The following LRRC4C variants were observed in gnomAD, a reference collection of about 807,000 sequenced individuals.
LRRC4C encodes leucine-rich repeat-containing protein 4C.
LRRC4C carries 5 observed loss-of-function variants against 33.6 expected under a neutral mutation model. That is an observed-to-expected ratio of 0.15 (90% CI 0.08 to 0.31). LRRC4C has a LOEUF of 0.31. LRRC4C is among the 10% of genes least tolerant of loss of function. The probability of loss-of-function intolerance (pLI) is 1.00; values close to 1 mark genes in which losing one functional copy is unlikely to be tolerated. For missense variants in LRRC4C, 560 were observed against 796.7 expected (o/e 0.70, Z 3.58); for synonymous variants, 329 against 302.0 (o/e 1.09, Z -0.93).
At chr11:40,992,432 T>TG (rs1853647997) in intron 1 of LRRC4C, among the ~76,000 whole-genome samples, 2 of 126,222 alleles carry the variant, frequency 1.6e-5, no homozygotes, top group East Asian at 2.6e-4. Flanking sequence ...TAAACAAAAG[T>TG]GGTTTTTTTT....
chr11:41,437,425 G>GCGCACACA (rs370615249), intron 1 of LRRC4C, among the ~76,000 whole-genome samples: 1 of 149,160 alleles, frequency 6.7e-6, no homozygotes, highest in African/African-American at 2.5e-5. Context: ...GCGCGCGCGC[G>GCGCACACA]CACACACACA....
chr11:40,489,430 ACTCT>A (rs1954034889), intron 3 of LRRC4C, among the ~76,000 whole-genome samples: 1 of 151,288 alleles, frequency 6.6e-6, no homozygotes, highest in African/African-American at 2.4e-5. Context: ...CATACTCACA[ACTCT>A]CTGGGTCAGG....
chr11:41,008,985 G>A (rs1854966731), intron 1 of LRRC4C, among the ~76,000 whole-genome samples: 3 of 151,350 alleles, frequency 2.0e-5, no homozygotes, highest in African/African-American at 2.4e-5. Flanking sequence ...TTTAAAAAGG[G>A]GAAAATCTCA....
intron 5 of LRRC4C, among the ~76,000 whole-genome samples, chr11:40,143,157 G>GT (rs924340516): frequency 1.1e-4 from 16 of 151,966 alleles, no homozygotes; most frequent in African/African-American, 3.4e-4. Flanking sequence ...TCAGTATTCT[G>GT]TTTTTTTCTC....
intron 3 of LRRC4C, among the ~76,000 whole-genome samples, chr11:40,623,358 A>G (rs1477282698): frequency 6.6e-6 from 1 of 152,018 alleles, no homozygotes; most frequent in Non-Finnish European, 1.5e-5. Flanking sequence ...ATCTCATGCT[A>G]TTTTAAGTTC....
At chr11:41,316,204 C>T (rs1256111047) in intron 1 of LRRC4C, among the ~76,000 whole-genome samples, 1 of 128,362 alleles carries the variant, frequency 7.8e-6, no homozygotes, top group Admixed American at 9.9e-5. Context: ...CTGGGGGTGA[C>T]TATGGGTAAC....
chr11:40,343,481 T>C (rs1325584246), intron 3 of LRRC4C, among the ~76,000 whole-genome samples: 18 of 151,994 alleles, frequency 1.2e-4, no homozygotes, highest in African/African-American at 4.3e-4. Flanking sequence ...TAGTACCTGA[T>C]GGGTATTTTA....
chr11:40,922,749 T>C (rs558810830), intron 2 of LRRC4C, among the ~76,000 whole-genome samples: 5 of 152,328 alleles, frequency 3.3e-5, no homozygotes, highest in African/African-American at 1.2e-4. Flanking sequence ...TGCAAACAAA[T>C]GCAAGGGCAG....
chr11:40,818,658 C>T (rs1406295908), intron 2 of LRRC4C, among the ~76,000 whole-genome samples: 2 of 151,906 alleles, frequency 1.3e-5, no homozygotes, highest in Non-Finnish European at 2.9e-5. Context: ...ATATTCTATG[C>T]CTTCTCTTTT....
chr11:40,429,387 A>C (rs1950831132), intron 3 of LRRC4C, among the ~76,000 whole-genome samples: 1 of 152,138 alleles, frequency 6.6e-6, no homozygotes, highest in African/African-American at 2.4e-5. Context: ...ATGAACTGTT[A>C]AACTCCTTTC....
intron 1 of LRRC4C, among the ~76,000 whole-genome samples, chr11:41,282,135 G>C (rs1345982639): frequency 1.3e-5 from 2 of 152,206 alleles, no homozygotes; most frequent in Admixed American, 6.5e-5. Context: ...TGAAATGTAA[G>C]GGGATTGACA....
intron 3 of LRRC4C, among the ~76,000 whole-genome samples, chr11:40,480,526 G>A (rs897744440): frequency 6.6e-6 from 1 of 151,906 alleles, no homozygotes; most frequent in Admixed American, 6.6e-5. Flanking sequence ...CAGGTACTAT[G>A]CTTATTACCT....
rs1321652619 is a variant in LRRC4C at position 40,306,226 on chromosome 11, A to G, written c.-176+13402T>C. Among the ~76,000 whole-genome samples the G allele has an allele frequency of 2.0e-5, 3 of 152,216 alleles. No homozygotes were observed. The East Asian group carries it at 5.8e-4, about 29-fold the overall frequency. ...TTATCTTTCCTATAAAGATTTAGTT[A>G]TTGTATCTTTAAAAAGGTTAGCCTT... On this transcript the variant is annotated intron_variant, in intron 4 of 6. Transcript: ENST00000528697.
At chr11:40,370,191 G>A (rs1323066531) in intron 3 of LRRC4C, among the ~76,000 whole-genome samples, 6 of 152,102 alleles carry the variant, frequency 3.9e-5, no homozygotes, top group Non-Finnish European at 7.3e-5. Context: ...CTGTGAAGAT[G>A]GAGCTGAGAG....
chr11:41,080,917 A>G (rs1212836798), intron 1 of LRRC4C, among the ~76,000 whole-genome samples: 3 of 152,150 alleles, frequency 2.0e-5, no homozygotes, highest in African/African-American at 4.8e-5. Flanking sequence ...TACCATGGAA[A>G]ACCTTGCATT....
At chr11:40,572,624 T>C (rs1023064726) in intron 3 of LRRC4C, among the ~76,000 whole-genome samples, 1 of 152,104 alleles carries the variant, frequency 6.6e-6, no homozygotes, top group Non-Finnish European at 1.5e-5. Context: ...GGGCCTGGTT[T>C]AAAAAATGAG....
intron 1 of LRRC4C, among the ~76,000 whole-genome samples, chr11:41,084,092 C>A (rs1476333075): frequency 1.3e-5 from 2 of 152,144 alleles, no homozygotes. Context: ...CCTGTAGGGA[C>A]TTCTTGGATT....
At chr11:40,300,711 T>G (rs1341190396) in intron 4 of LRRC4C, among the ~76,000 whole-genome samples, 1 of 152,222 alleles carries the variant, frequency 6.6e-6, no homozygotes, top group Non-Finnish European at 1.5e-5. Flanking sequence ...AATACAATCC[T>G]AATACAATGC....
chr11:40,884,985 G>T (rs1198996286), intron 2 of LRRC4C, among the ~76,000 whole-genome samples: 4 of 151,922 alleles, frequency 2.6e-5, no homozygotes, highest in African/African-American at 9.7e-5. Context: ...CAAAAAGGTG[G>T]GGGGTGAGAA....
Sources: allele counts gnomAD v4.1 joint callset (sites outside exome capture counted in the v4.1 genomes callset), GRCh38; gene constraint gnomAD v4.1.1; transcripts MANE v1.5; gene names NCBI Gene and HGNC (gene_info 2026-07-23, HGNC 2026-07-21).